Variants in FMN1 observed in about 807,000 individuals in gnomAD.
FMN1 encodes the protein formin-1.
FMN1 carries 110 observed loss-of-function variants against 132.4 expected under a neutral mutation model. That is an observed-to-expected ratio of 0.83 (90% CI 0.71 to 0.97). The LOEUF (loss-of-function observed/expected upper bound fraction) is 0.97, where lower values mean the gene tolerates loss of function less well. Among genes scored for constraint, FMN1 ranks in the 50% least tolerant of loss-of-function variants. FMN1 has a pLI of 0.00. For synonymous variants in FMN1, 722 were observed against 651.7 expected, an observed-to-expected ratio of 1.11 and a Z score of -1.64; for missense variants, 1,792 against 1,705.3, an observed-to-expected ratio of 1.05 and a Z score of -0.90.
chr15:33,004,195 G>A (rs1415206295), intron 7 of FMN1, among the ~76,000 whole-genome samples: 7 of 152,146 alleles, frequency 4.6e-5, no homozygotes, highest in African/African-American at 9.7e-5. Context: ...TGACAAATGG[G>A]ATCTAATTAA....
intron 4 of FMN1, among the ~76,000 whole-genome samples, chr15:33,094,333 A>G (rs1345450135): frequency 6.6e-6 from 1 of 152,224 alleles, no homozygotes; most frequent in African/African-American, 2.4e-5. Context: ...TGATGGGAGA[A>G]GCAAGTAATT....
chr15:33,104,043 G>A (rs1228055542), intron 4 of FMN1, among the ~76,000 whole-genome samples: 3 of 152,148 alleles, frequency 2.0e-5, no homozygotes, highest in Admixed American at 2.0e-4. Context: ...GATCCTTAAA[G>A]TTAACAAAAT....
chr15:33,161,728 CCAA>C (rs1445086497), intron 3 of FMN1, among the ~76,000 whole-genome samples: 1 of 152,016 alleles, frequency 6.6e-6, no homozygotes, highest in Non-Finnish European at 1.5e-5. Flanking sequence ...ACCACCCTGG[CCAA>C]CACGGTGAAA....
At chr15:33,139,407 T>C (rs1040394501) in intron 4 of FMN1, among the ~76,000 whole-genome samples, 4 of 151,826 alleles carry the variant, frequency 2.6e-5, no homozygotes, top group Admixed American at 1.3e-4. Flanking sequence ...CTATCCAGGC[T>C]AACACAGTGA....
chr15:32,960,356 CCAGGTCCCTCCTAGA>C (rs909973333), intron 9 of FMN1, among the ~76,000 whole-genome samples: 1 of 152,150 alleles, frequency 6.6e-6, no homozygotes, highest in Non-Finnish European at 1.5e-5. Flanking sequence ...TCGCCTCCCA[CCAGGTCCCTCCTAGA>C]CACGTGGGTA....
chr15:32,821,449 CTTTTT>C (rs34336647), intron 17 of FMN1, among the ~76,000 whole-genome samples: 21,542 of 110,736 alleles, frequency 0.19, 1,812 homozygotes, highest in East Asian at 0.34. Flanking sequence ...ATATTTAAAT[CTTTTT>C]TTTTTTTTTT....
intron 17 of FMN1, among the ~76,000 whole-genome samples, chr15:32,856,603 T>TA (rs2059136888): frequency 6.6e-6 from 1 of 152,212 alleles, no homozygotes; most frequent in African/African-American, 2.4e-5. Flanking sequence ...TCCAAGTTGC[T>TA]ACACTCATAA....
chr15:32,824,315 G>C (rs1017464033), intron 17 of FMN1, among the ~76,000 whole-genome samples: 1 of 152,156 alleles, frequency 6.6e-6, no homozygotes, highest in African/African-American at 2.4e-5. Context: ...ATTCTTACAT[G>C]GTCCTCTTAG....
At chr15:33,062,589 T>G (rs2037536439) in intron 6 of FMN1, 1 of 152,114 alleles carries the variant, frequency 6.6e-6, no homozygotes, top group Non-Finnish European at 1.5e-5. Context: ...GCCACTGCAC[T>G]CCAGCCTGGG....
Position 32,908,583 on chromosome 15 carries a change from A to C in FMN1, c.3289-5T>G. ...CAGCTCATCCTCTTGGGCTCTCTGTATCAAAATAGAAAACAAAACCAAAAA... is the reference window on the plus strand; with the variant it reads ...CAGCTCATCCTCTTGGGCTCTCTGTCTCAAAATAGAAAACAAAACCAAAAA... On this transcript the variant is annotated splice_region_variant and splice_polypyrimidine_tract_variant and intron_variant, in intron 11 of 20. Transcript: ENST00000616417. The C allele has an allele frequency of 6.9e-7, 1 of 1,459,292 alleles. No homozygotes were observed. The highest frequency in any genetic ancestry group is 9.4e-7 in the Non-Finnish European group (1 of 1,066,820). 90.4% of individuals were successfully genotyped at this position (1,459,292 alleles called of 1,614,324 possible). A position where few individuals can be genotyped will look rare whatever the true frequency, so the allele number is the denominator to read the frequency against.
chr15:33,053,764 G>C (rs2037088354), intron 6 of FMN1, among the ~76,000 whole-genome samples: 1 of 152,112 alleles, frequency 6.6e-6, no homozygotes, highest in Non-Finnish European at 1.5e-5. Context: ...AGTCCAGAAG[G>C]GTCTCCAGTA....
chr15:33,061,497 G>C (rs1400759074), intron 6 of FMN1, among the ~76,000 whole-genome samples: 1 of 151,784 alleles, frequency 6.6e-6, no homozygotes, highest in Non-Finnish European at 1.5e-5. Context: ...AAGAAACTTT[G>C]AATAGTTTTA....
Position 33,154,178 on chromosome 15 carries a change from G to A in FMN1, c.737C>T (p.Thr246Ile). 1.3e-6 allele frequency: 2 copies of A among 1,536,456 alleles called. No homozygotes were observed. The highest frequency in any genetic ancestry group is 1.7e-6 in the Non-Finnish European group (2 of 1,146,996). Residue 246 changes from threonine (T) to isoleucine (I), a missense_variant, in exon 4 of 21, where the codon ACA (threonine) becomes ATA (isoleucine). Physicochemically the swap from Thr to Ile is moderately conservative, Grantham distance 89. Coordinates refer to ENST00000616417, the MANE Select transcript of FMN1 (RefSeq NM_001277313.2). ...CTCAAAGCTCCCAAAGCCAAGGTCT[G>A]TGTCTGGCGTCTTGGGAATATCTGG... ...CPPDIPKTPD[T>I]DLGFGSFETA...
chr15:32,806,798 G>A (rs1333441798), intron 17 of FMN1, among the ~76,000 whole-genome samples: 1 of 152,154 alleles, frequency 6.6e-6, no homozygotes, highest in Non-Finnish European at 1.5e-5. Context: ...CTGCATTGAG[G>A]TCTCAGCAGA....
intron 10 of FMN1, among the ~76,000 whole-genome samples, chr15:32,915,704 T>C (rs1039107730): frequency 3.9e-5 from 6 of 152,234 alleles, no homozygotes; most frequent in African/African-American, 1.4e-4. Context: ...CTCCTGCAGA[T>C]GGTGTCAGAA....
chr15:32,825,026 C>T (rs866122106), intron 17 of FMN1, among the ~76,000 whole-genome samples: 3 of 152,154 alleles, frequency 2.0e-5, no homozygotes, highest in African/African-American at 4.8e-5. Flanking sequence ...GGATTTGGCT[C>T]CTCCTTTTGT....
intron 3 of FMN1, among the ~76,000 whole-genome samples, chr15:33,162,807 CAAGA>C (rs1227298237): frequency 1.3e-5 from 2 of 152,050 alleles, no homozygotes; most frequent in Non-Finnish European, 2.9e-5. Flanking sequence ...GCAAAGAGGT[CAAGA>C]AAGAAACAAA....
chr15:33,192,111 A>G lies in FMN1; in HGVS notation c.-197+1798T>C, dbSNP rs150032229. 7.2e-5 allele frequency among the ~76,000 whole-genome samples: 11 copies of G among 152,376 alleles called. No homozygotes were observed. The East Asian group carries it at 1.7e-3, about 24-fold the overall frequency. On this transcript the variant is annotated intron_variant, in intron 2 of 20. Coordinates refer to ENST00000616417, the MANE Select transcript of FMN1 (RefSeq NM_001277313.2). ...TTACACTGATACGAATAAAGTTTTA[A>G]TAAGAAAACCATTAAAGGCAAGATC...
chr15:33,153,855 T>C lies in FMN1; in HGVS notation c.1060A>G (p.Ile354Val). 2 of 1,536,712 alleles carry C rather than the reference T, an allele frequency of 1.3e-6. No individual in the cohort carries two copies. The highest frequency in any genetic ancestry group is 1.7e-6 in the Non-Finnish European group (2 of 1,147,036). Reference sequence around the variant, plus strand: ...GCGTGGGCTGCTGGGCGAATGGCAATCGTCTCCTTACCCTTAGAATGCGTT... The same window carrying C: ...GCGTGGGCTGCTGGGCGAATGGCAACCGTCTCCTTACCCTTAGAATGCGTT... ...VKTHSKGKET[I>V]AIRPAAHAEF... Residue 354 changes from isoleucine to valine, a missense_variant, in exon 4 of 21, where the codon ATT becomes GTT. Around this residue, in one of 3 missense-constraint regions of FMN1, gnomAD observed 638 missense variants for 645.2 expected, o/e 0.99. Coordinates refer to ENST00000616417, the MANE Select transcript of FMN1 (RefSeq NM_001277313.2).
Sources: allele counts gnomAD v4.1 joint callset (sites outside exome capture counted in the v4.1 genomes callset), GRCh38; gene constraint gnomAD v4.1.1; regional missense constraint gnomAD v4.1.1; transcripts MANE v1.5; gene names NCBI Gene and HGNC (gene_info 2026-07-23, HGNC 2026-07-21).